Variants in ZNF85 observed in about 807,000 individuals in gnomAD.
The protein encoded by ZNF85 is zinc finger protein 85 (HPF4, HTF1).
A neutral mutation model predicts 53.9 loss-of-function variants in ZNF85; 50 were observed. The observed-to-expected ratio is 0.93, with a 90% CI of 0.74 to 1.17. The LOEUF is 1.17. Ranked by LOEUF, ZNF85 falls within the 50% of genes most tolerant of loss-of-function variation. The pLI, the probability that ZNF85 is intolerant of heterozygous loss-of-function variation, is 0.00. For missense variants in ZNF85, 747 were observed against 688.5 expected, an observed-to-expected ratio of 1.08 and a Z score of -0.95; for synonymous variants, 225 against 226.1, an observed-to-expected ratio of 1.00 and a Z score of 0.04.
At chr19:20,937,196 CA>C in intron 3 of ZNF85, 1 of 381,348 alleles carries the variant, frequency 2.6e-6, no homozygotes, top group South Asian at 1.9e-5. Context: ...AACGTCTGGC[CA>C]ATTTTTTGTA....
chr19:20,933,894 C>T (rs1237182108), intron 1 of ZNF85, 130 bp from the exon 2 acceptor site: 1 of 1,012,676 alleles, frequency 9.9e-7, no homozygotes, highest in Non-Finnish European at 1.4e-6. Flanking sequence ...GAAACAGTTA[C>T]CTGTACTCTC....
At chr19:20,930,540 C>A (rs1568546394) in intron 1 of ZNF85, among the ~76,000 whole-genome samples, 1 of 151,738 alleles carries the variant, frequency 6.6e-6, no homozygotes, top group Admixed American at 6.6e-5. Context: ...TTATTAAACA[C>A]TTAATAACAT....
Position 20,950,373 on chromosome 19 carries a change from T to A in ZNF85, c.*71T>A. The A allele has an allele frequency of 9.4e-7, 1 of 1,067,950 alleles. No individual in the cohort carries two copies. The highest frequency in any genetic ancestry group is 1.3e-6 in the Non-Finnish European group (1 of 760,358). The allele number at this position is 1,067,950 out of a possible 1,614,324, so 66.2% of individuals were successfully genotyped here. ...AAGAAAATTTATACTGGAGAGAAACTACTAACCTGAAAGATGTGACAATAA... is the reference window on the plus strand; with the variant it reads ...AAGAAAATTTATACTGGAGAGAAACAACTAACCTGAAAGATGTGACAATAA... On this transcript the variant is annotated 3_prime_UTR_variant, in exon 4 of 4. Transcript: ENST00000328178.
At position 20,923,268 on chromosome 19, in the gene ZNF85, C is replaced by A; in HGVS notation, c.-133C>A. 7.0e-7 allele frequency: 1 copy of A among 1,419,564 alleles called. No homozygotes were observed. Among genetic ancestry groups the A allele is most frequent in the African/African-American group, 1.4e-5 (1 of 70,608 alleles). 87.9% of individuals were successfully genotyped at this position (1,419,564 alleles called of 1,614,324 possible). A position where few individuals can be genotyped will look rare whatever the true frequency, so the allele number is the denominator to read the frequency against. ...GTGGCGGGGCCTTTGTCTCTCGCTG[C>A]AGCCTGAGCTCTAGGTCTTGTTTTC... is the stretch of plus-strand genomic sequence containing the variant. On this transcript the variant is annotated 5_prime_UTR_variant, in exon 1 of 4. Coordinates refer to ENST00000328178, the MANE Select transcript of ZNF85 (RefSeq NM_003429.5).
intron 3 of ZNF85, among the ~76,000 whole-genome samples, chr19:20,947,553 C>T (rs2144672062): frequency 7.9e-6 from 1 of 126,550 alleles, no homozygotes; most frequent in East Asian, 2.4e-4. Context: ...CACATAGTTC[C>T]CTTCTCGCTT....
At chr19:20,930,142 A>AGG (rs1555793058) in intron 1 of ZNF85, among the ~76,000 whole-genome samples, 1 of 145,160 alleles carries the variant, frequency 6.9e-6, no homozygotes, top group African/African-American at 2.5e-5. Context: ...AAAAAAAAAA[A>AGG]GAAATCAGAG....
intron 3 of ZNF85, among the ~76,000 whole-genome samples, chr19:20,939,097 C>T (rs970070902): frequency 6.6e-6 from 1 of 152,070 alleles, no homozygotes; most frequent in Non-Finnish European, 1.5e-5. Context: ...ACAGTGCCTG[C>T]CAATGATTCA....
At chr19:20,941,892 C>T (rs1973305418) in intron 3 of ZNF85, among the ~76,000 whole-genome samples, 2 of 152,088 alleles carry the variant, frequency 1.3e-5, no homozygotes, top group South Asian at 4.1e-4. Context: ...TCATGTCTTT[C>T]CCCCTTCATT....
At chr19:20,945,420 A>T (rs1259782150) in intron 3 of ZNF85, 2 of 152,102 alleles carry the variant, frequency 1.3e-5, no homozygotes, top group African/African-American at 4.8e-5. Context: ...ATCAAAACTT[A>T]TATTTACAGT....
chr19:20,943,687 G>A (rs1230863334), intron 3 of ZNF85: 2 of 151,968 alleles, frequency 1.3e-5, no homozygotes, highest in Non-Finnish European at 2.9e-5. Flanking sequence ...ATTAAAAATG[G>A]GGTCTTGATG....
intron 3 of ZNF85, among the ~76,000 whole-genome samples, chr19:20,939,000 C>T (rs1973230888): frequency 2.0e-5 from 3 of 151,898 alleles, no homozygotes; most frequent in South Asian, 2.1e-4. Flanking sequence ...AAATTTATCT[C>T]GTTTCTTTTA....
chr19:20,944,551 T>C, intron 3 of ZNF85, among the ~76,000 whole-genome samples: 1 of 149,424 alleles, frequency 6.7e-6, no homozygotes, highest in Non-Finnish European at 1.5e-5. Context: ...GTAGTATTGG[T>C]TAAGAATTTT....
intron 1 of ZNF85, among the ~76,000 whole-genome samples, chr19:20,929,011 C>G (rs1426182540): frequency 2.0e-5 from 3 of 152,032 alleles, no homozygotes; most frequent in Non-Finnish European, 4.4e-5. Flanking sequence ...AATATTTATT[C>G]AAATTCTCCT....
chr19:20,941,064 G>A (rs1973283403), intron 3 of ZNF85, among the ~76,000 whole-genome samples: 1 of 152,082 alleles, frequency 6.6e-6, no homozygotes, highest in Non-Finnish European at 1.5e-5. Context: ...ATTATCTGAG[G>A]AACATTTATA....
At chr19:20,932,709 C>T (rs1262824656) in intron 1 of ZNF85, among the ~76,000 whole-genome samples, 1 of 152,064 alleles carries the variant, frequency 6.6e-6, no homozygotes, top group Non-Finnish European at 1.5e-5. Context: ...TCAGGAGATA[C>T]CTGCTCTCTA....
At chr19:20,928,589 T>C (rs1972934385) in intron 1 of ZNF85, 1 of 152,284 alleles carries the variant, frequency 6.6e-6, no homozygotes, top group Non-Finnish European at 1.5e-5. Context: ...TCAAGACTAG[T>C]CATCATCCTC....
rs1013700037 is a variant in ZNF85 at position 20,950,644 on chromosome 19, G to C, written c.*342G>C. 2 of 185,696 alleles carry C rather than the reference G, an allele frequency of 1.1e-5. No homozygotes were observed. Among genetic ancestry groups the C allele is most frequent in the African/African-American group, 2.3e-5 (1 of 42,746 alleles). 11.5% of individuals were successfully genotyped at this position (185,696 alleles called of 1,614,324 possible). ...GAATGTGGAAAAGCCGTTAATATCT[G>C]CTCACATCTTACTCAGCATCAGAAA... On this transcript the variant is annotated 3_prime_UTR_variant, in exon 4 of 4. Transcript: ENST00000328178.
chr19:20,930,529 A>G (rs1288760781), intron 1 of ZNF85, among the ~76,000 whole-genome samples: 1 of 152,180 alleles, frequency 6.6e-6, no homozygotes, highest in Non-Finnish European at 1.5e-5. Context: ...AATCCTAAGA[A>G]TTATTAAACA....
chr19:20,941,820 G>GT (rs58704460), intron 3 of ZNF85, among the ~76,000 whole-genome samples: 152,353 of 152,354 alleles, frequency 1, 76,176 homozygotes, highest in Non-Finnish European at 1. Context: ...AAATTTTACT[G>GT]TCTTTTCTTT....
Sources: allele counts gnomAD v4.1 joint callset (sites outside exome capture counted in the v4.1 genomes callset), GRCh38; gene constraint gnomAD v4.1.1; transcripts MANE v1.5; gene names NCBI Gene and HGNC (gene_info 2026-07-23, HGNC 2026-07-21).